The following DPP3 variants were observed in gnomAD, a reference collection of about 807,000 sequenced individuals.
DPP3 encodes DPP III.
DPP3 carries 64 observed loss-of-function variants against 89.8 expected under a neutral mutation model. The ratio of observed to expected loss-of-function variants is 0.71; its 90% CI spans 0.58 to 0.88. The LOEUF (loss-of-function observed/expected upper bound fraction) is 0.88. DPP3 is among the 40% of genes least tolerant of loss of function. The probability of loss-of-function intolerance (pLI) is 0.00; values close to 1 mark genes in which losing one functional copy is unlikely to be tolerated. For synonymous variants in DPP3, 377 were observed against 404.3 expected (o/e 0.93, Z 0.81); for missense variants, 835 against 972.5 (o/e 0.86, Z 1.88).
intron 3 of DPP3, among the ~76,000 whole-genome samples, 171 bp downstream of exon 3, chr11:66,485,433 G>T (rs550142134): frequency 1.3e-5 from 2 of 152,250 alleles, no homozygotes; most frequent in South Asian, 4.1e-4. Flanking sequence ...TGGGTGCTGC[G>T]GCCTCTTCGT....
chr11:66,498,650 A>G (rs534677911), intron 16 of DPP3, among the ~76,000 whole-genome samples: 16 of 152,346 alleles, frequency 1.1e-4, no homozygotes, highest in African/African-American at 3.8e-4. Flanking sequence ...CCCCAGAGAG[A>G]AGGTTTGATA....
chr11:66,491,409 TG>T (rs757514074), intron 7 of DPP3, 26 bp downstream of exon 7: 2 of 1,609,592 alleles, frequency 1.2e-6, no homozygotes, highest in Non-Finnish European at 8.5e-7. Flanking sequence ...GGCTGAGGGG[TG>T]CGGGCTGAGG....
intron 16 of DPP3, among the ~76,000 whole-genome samples, chr11:66,498,996 A>G (rs1215853529): frequency 6.6e-6 from 1 of 152,138 alleles, no homozygotes; most frequent in African/African-American, 2.4e-5. Context: ...GGGTGACAGA[A>G]CTAGATTCTG....
chr11:66,494,640 G>T (rs1045703007), intron 12 of DPP3, among the ~76,000 whole-genome samples: 32 of 152,204 alleles, frequency 2.1e-4, no homozygotes, highest in Non-Finnish European at 1.5e-5. Flanking sequence ...CAGCGTCCAC[G>T]GAGGTTGTGT....
intron 16 of DPP3, among the ~76,000 whole-genome samples, chr11:66,500,872 A>G (rs1297952458): frequency 6.6e-6 from 1 of 152,128 alleles, no homozygotes; most frequent in Non-Finnish European, 1.5e-5. Flanking sequence ...CCTAGTTAAC[A>G]TGGTGAAACC....
chr11:66,504,487 G>A, intron 16 of DPP3, 125 bp from the exon 17 acceptor site: 2 of 1,065,406 alleles, frequency 1.9e-6, no homozygotes, highest in Non-Finnish European at 2.5e-6. Context: ...GAATTTTGGA[G>A]GGGACACATT....
chr11:66,480,454 C>T lies in DPP3; in HGVS notation c.-20C>T, dbSNP rs1217846901. ...GCAGGAAGTGAGTTTGCGAACGGAG[C>T]AGCTGCTGCAGGTGAGGCGCGGCGC... is the stretch of plus-strand genomic sequence containing the variant. On this transcript the variant is annotated 5_prime_UTR_variant, in exon 1 of 18. Transcript: ENST00000531863. 2.7e-6 allele frequency: 4 copies of T among 1,487,160 alleles called. No homozygotes were observed. The highest frequency in any genetic ancestry group is 3.6e-6 in the Non-Finnish European group (4 of 1,125,476). 92.1% of individuals were successfully genotyped at this position (1,487,160 alleles called of 1,614,324 possible).
chr11:66,481,326 C>CA (rs1440751250), intron 1 of DPP3, among the ~76,000 whole-genome samples: 1 of 152,074 alleles, frequency 6.6e-6, no homozygotes, highest in Admixed American at 6.5e-5. Flanking sequence ...CCGTCTCTAT[C>CA]AAAAATACAA....
intron 17 of DPP3, among the ~76,000 whole-genome samples, chr11:66,508,018 C>G (rs545739716): frequency 6.6e-6 from 1 of 152,124 alleles, no homozygotes; most frequent in South Asian, 2.1e-4. Flanking sequence ...TCCTAACAAC[C>G]CAGAGAGAAA....
At chr11:66,503,811 C>T (rs1208015769) in intron 16 of DPP3, among the ~76,000 whole-genome samples, 15 of 152,086 alleles carry the variant, frequency 9.9e-5, no homozygotes, top group East Asian at 9.7e-4. Context: ...CACTTGAACC[C>T]GGGAGGCAGA....
chr11:66,496,954 A>G (rs1169900316), intron 15 of DPP3, among the ~76,000 whole-genome samples: 1 of 151,892 alleles, frequency 6.6e-6, no homozygotes, highest in African/African-American at 2.4e-5. Flanking sequence ...GTGTTTGGGG[A>G]CCCTGGAGGG....
chr11:66,495,539 C>A, intron 14 of DPP3, 50 bp downstream of exon 14: 1 of 1,611,436 alleles, frequency 6.2e-7, no homozygotes, highest in Non-Finnish European at 8.5e-7. Flanking sequence ...AGTGGCCAGC[C>A]CTGGGGGCGT....
At chr11:66,501,560 C>G (rs1434009322) in intron 16 of DPP3, among the ~76,000 whole-genome samples, 1 of 152,080 alleles carries the variant, frequency 6.6e-6, no homozygotes, top group Non-Finnish European at 1.5e-5. Context: ...CACAGTGGCT[C>G]ACCACTGTAA....
chr11:66,490,916 C>A (rs1047993131), intron 6 of DPP3, among the ~76,000 whole-genome samples: 9 of 151,812 alleles, frequency 5.9e-5, no homozygotes, highest in South Asian at 2.1e-4. Context: ...ATGACAGGCA[C>A]CTACCACCAT....
chr11:66,497,285 C>T lies in DPP3; in HGVS notation c.1699-13C>T, dbSNP rs756685904. ...TACGGGCTACAAATGCTGTCTTTCC[C>T]CTGCTCCGGCAGGCCCATATGCAGG... On this transcript the variant is annotated splice_polypyrimidine_tract_variant and intron_variant, in intron 15 of 17. Coordinates refer to ENST00000531863, the MANE Select transcript of DPP3 (RefSeq NM_130443.4). The T allele has an allele frequency of 1.3e-5, 21 of 1,611,204 alleles. No individual in the cohort carries two copies. In the South Asian group the frequency reaches 2.2e-4, roughly 17 times the overall value.
intron 12 of DPP3, among the ~76,000 whole-genome samples, 175 bp from the exon 13 acceptor site, chr11:66,495,031 G>A (rs893781732): frequency 5.9e-5 from 9 of 152,204 alleles, no homozygotes; most frequent in East Asian, 3.9e-4. Flanking sequence ...GGCAGCCAGC[G>A]TCACAGGGCT....
At chr11:66,481,253 C>T (rs1325807896) in intron 1 of DPP3, among the ~76,000 whole-genome samples, 1 of 152,164 alleles carries the variant, frequency 6.6e-6, no homozygotes, top group African/African-American at 2.4e-5. Context: ...CTTTGGGAGG[C>T]CAAGGCAAGC....
chr11:66,501,119 G>A (rs1343722942), intron 16 of DPP3, among the ~76,000 whole-genome samples: 1 of 151,866 alleles, frequency 6.6e-6, no homozygotes, highest in Non-Finnish European at 1.5e-5. Context: ...ACCAGGAGGT[G>A]GAGGTTGCAG....
chr11:66,495,656 C>G lies in DPP3; in HGVS notation c.1604C>G (p.Ala535Gly), dbSNP rs140995720. Reference sequence around the variant, plus strand: ...ATCTTTGGCTTTGAGGGGGCTGATGCGGAGGACGTGATCTACGTGAACTGG... The same window carrying G: ...ATCTTTGGCTTTGAGGGGGCTGATGGGGAGGACGTGATCTACGTGAACTGG... ...LEIFGFEGAD[A>G]EDVIYVNWLN... Residue 535 changes from alanine (A) to glycine (G), a missense_variant, in exon 15 of 18, where the codon GCG (alanine) becomes GGG (glycine). Physicochemically the swap from Ala to Gly is moderately conservative, Grantham distance 60 (BLOSUM62 0). Transcript: ENST00000531863. The G allele has an allele frequency of 2.5e-6, 4 of 1,614,092 alleles. No individual in the cohort carries two copies.
Sources: gnomAD v4.1 joint callset for allele counts (sites outside exome capture counted in the v4.1 genomes callset) on GRCh38, gnomAD v4.1.1 for gene constraint, MANE v1.5 for transcripts, NCBI Gene and HGNC (gene_info 2026-07-23, HGNC 2026-07-21) for gene names.